Variants in PCOLCE2 observed in about 807,000 individuals in gnomAD.
PCOLCE2 encodes the protein procollagen C-proteinase enhancer 2.
A neutral mutation model predicts 47.0 loss-of-function variants in PCOLCE2; 42 were observed. That is an observed-to-expected ratio of 0.89 (90% confidence interval 0.70 to 1.16). The LOEUF (loss-of-function observed/expected upper bound fraction) is 1.16. Among genes scored for constraint, PCOLCE2 ranks in the 50% most tolerant of loss-of-function variants. PCOLCE2 has a pLI of 0.00. For synonymous variants in PCOLCE2, 169 were observed against 191.7 expected (o/e 0.88, Z 0.98); for missense variants, 500 against 526.1 (o/e 0.95, Z 0.49).
intron 2 of PCOLCE2, among the ~76,000 whole-genome samples, chr3:142,876,577 C>T (rs1395739157): frequency 1.3e-5 from 2 of 152,194 alleles, no homozygotes; most frequent in African/African-American, 4.8e-5. Context: ...CTTGAATTCT[C>T]TCATGCATTT....
intron 5 of PCOLCE2, among the ~76,000 whole-genome samples, chr3:142,831,306 G>C (rs193018961): frequency 1.3e-5 from 2 of 152,156 alleles, no homozygotes; most frequent in Admixed American, 6.5e-5. Context: ...TTTATAAGAC[G>C]AGAGACCTGA....
chr3:142,848,598 G>C, intron 2 of PCOLCE2, 126 bp from the exon 3 acceptor site: 1 of 818,692 alleles, frequency 1.2e-6, no homozygotes, highest in Admixed American at 2.9e-5. Flanking sequence ...TCTCATATCT[G>C]AACTAACCCA....
intron 6 of PCOLCE2, among the ~76,000 whole-genome samples, chr3:142,825,170 A>C (rs975003521): frequency 6.6e-6 from 1 of 152,124 alleles, no homozygotes; most frequent in African/African-American, 2.4e-5. Flanking sequence ...CAGTTAACTG[A>C]GTCAAAAAGT....
At chr3:142,835,499 A>G (rs1197610446) in intron 5 of PCOLCE2, among the ~76,000 whole-genome samples, 2 of 152,198 alleles carry the variant, frequency 1.3e-5, no homozygotes, top group Admixed American at 1.3e-4. Context: ...TAAACAACAT[A>G]TAACTGGATT....
intron 3 of PCOLCE2, 154 bp from the exon 4 acceptor site, chr3:142,843,202 C>A (rs1937286969): frequency 1.4e-6 from 1 of 731,068 alleles, no homozygotes; most frequent in Admixed American, 2.0e-5. Context: ...CATATGGTTA[C>A]ATACATAACC....
At chr3:142,827,355 C>T (rs1937093486) in intron 6 of PCOLCE2, 2 of 1,510,374 alleles carry the variant, frequency 1.3e-6, no homozygotes, top group South Asian at 1.1e-5. Flanking sequence ...GTTCGGCCAC[C>T]TCCAGCCACC....
At chr3:142,847,532 T>C (rs1433057272) in intron 3 of PCOLCE2, among the ~76,000 whole-genome samples, 3 of 152,118 alleles carry the variant, frequency 2.0e-5, no homozygotes, top group Admixed American at 1.3e-4. Flanking sequence ...TCTGTGTGTG[T>C]GTATATATAT....
intron 2 of PCOLCE2, among the ~76,000 whole-genome samples, chr3:142,867,659 GTGATA>G (rs1933312200): frequency 6.6e-6 from 1 of 151,698 alleles, no homozygotes; most frequent in Non-Finnish European, 1.5e-5. Context: ...AAATCACAAC[GTGATA>G]TGACTAGAAT....
intron 2 of PCOLCE2, among the ~76,000 whole-genome samples, chr3:142,866,983 T>C (rs963237655): frequency 6.6e-6 from 1 of 152,170 alleles, no homozygotes; most frequent in Non-Finnish European, 1.5e-5. Flanking sequence ...GTAGAAGCCA[T>C]GTGTACAGGT....
intron 2 of PCOLCE2, among the ~76,000 whole-genome samples, chr3:142,854,788 G>C (rs778177500): frequency 2.0e-5 from 3 of 152,096 alleles, no homozygotes; most frequent in Non-Finnish European, 4.4e-5. Context: ...GTGAACATCA[G>C]GTGCCAGGTA....
At chr3:142,819,564 T>G (rs1411315974) in intron 8 of PCOLCE2, among the ~76,000 whole-genome samples, 1 of 152,236 alleles carries the variant, frequency 6.6e-6, no homozygotes, top group Non-Finnish European at 1.5e-5. Flanking sequence ...GCCTTTGTGA[T>G]TCTCTCCAGA....
intron 7 of PCOLCE2, among the ~76,000 whole-genome samples, chr3:142,822,169 G>A (rs897182102): frequency 2.6e-5 from 4 of 151,936 alleles, no homozygotes; most frequent in African/African-American, 9.7e-5. Flanking sequence ...CACCTGCCTC[G>A]GCCTCCAAAG....
At chr3:142,848,014 A>C (rs1937345901) in intron 3 of PCOLCE2, among the ~76,000 whole-genome samples, 1 of 152,212 alleles carries the variant, frequency 6.6e-6, no homozygotes, top group Non-Finnish European at 1.5e-5. Context: ...TTTTTACTCT[A>C]TGAATTTCTA....
chr3:142,823,591 C>G lies in PCOLCE2; in HGVS notation c.890G>C (p.Cys297Ser). The G allele has an allele frequency of 6.2e-7, 1 of 1,609,274 alleles. No homozygotes were observed. The highest frequency in any genetic ancestry group is 2.2e-5 in the East Asian group (1 of 44,836). ...TTGLKPTVAL[C>S]QQKCRRTGTL... ...CCCCGTCCGTCTACACTTTTGTTGA[C>G]ACAAGGCCACGGTGGGTTTTAAACC... is the stretch of plus-strand genomic sequence containing the variant. Residue 297 changes from cysteine (C) to serine (S), a missense_variant, in exon 7 of 9, where the codon TGT becomes TCT. Cys to Ser is a moderately radical substitution (Grantham distance 112, BLOSUM62 -1). Transcript: ENST00000295992.
intron 5 of PCOLCE2, among the ~76,000 whole-genome samples, chr3:142,831,964 T>G (rs1447313469): frequency 6.6e-6 from 1 of 152,236 alleles, no homozygotes; most frequent in African/African-American, 2.4e-5. Context: ...ATGTTACATC[T>G]GCAAATTGTT....
chr3:142,874,239 C>T (rs935918572), intron 2 of PCOLCE2, among the ~76,000 whole-genome samples: 9 of 152,196 alleles, frequency 5.9e-5, no homozygotes, highest in African/African-American at 2.2e-4. Flanking sequence ...CCACACCCAG[C>T]TAATTTTTGT....
At chr3:142,882,593 T>TTTTTTTTTTTTTTTTTTTTTG (rs1560143101) in intron 2 of PCOLCE2, among the ~76,000 whole-genome samples, 1 of 151,468 alleles carries the variant, frequency 6.6e-6, no homozygotes, top group African/African-American at 2.4e-5. Context: ...TATTATACTT[T>TTTTTTTTTTTTTTTTTTTTTG]AGAGAAGAGG....
chr3:142,877,792 G>C (rs552731241), intron 2 of PCOLCE2, among the ~76,000 whole-genome samples: 9 of 152,250 alleles, frequency 5.9e-5, no homozygotes, highest in Non-Finnish European at 1.0e-4. Context: ...ACTGTTCATT[G>C]TTTCTGGGAC....
Position 142,838,910 on chromosome 3 carries a change from T to C in PCOLCE2, c.574-4A>G. On this transcript the variant is annotated splice_polypyrimidine_tract_variant and splice_region_variant and intron_variant, in intron 4 of 8. Transcript: ENST00000295992. ...TCTCAAACTTTAATTCTATAAGCTTTAGAGAAAGCACAATAGAAGTGTCAA... is the reference window on the plus strand; with the variant it reads ...TCTCAAACTTTAATTCTATAAGCTTCAGAGAAAGCACAATAGAAGTGTCAA... 1 of 1,607,490 alleles carries C rather than the reference T, an allele frequency of 6.2e-7. No homozygotes were observed. Among genetic ancestry groups the C allele is most frequent in the South Asian group, 1.1e-5 (1 of 90,874 alleles).
Sources: allele counts gnomAD v4.1 joint callset (sites outside exome capture counted in the v4.1 genomes callset), GRCh38; gene constraint gnomAD v4.1.1; transcripts MANE v1.5; gene names NCBI Gene and HGNC (gene_info 2026-07-23, HGNC 2026-07-21).